The following ZNF69 variants were observed in gnomAD, a reference collection of about 807,000 sequenced individuals.
ZNF69 encodes ZNF3.
Under a neutral mutation model 50.9 loss-of-function variants are expected in ZNF69, and 47 were observed. The observed-to-expected ratio is 0.92, with a 90% CI of 0.73 to 1.18. ZNF69 has a LOEUF of 1.18. ZNF69 is among the 50% of genes most tolerant of loss of function. The probability of loss-of-function intolerance (pLI) is 0.00; values close to 1 mark genes in which losing one functional copy is unlikely to be tolerated. For missense variants in ZNF69, 717 were observed against 675.1 expected (o/e 1.06, Z -0.69); for synonymous variants, 216 against 223.1 (o/e 0.97, Z 0.29).
downstream of ZNF69, among the ~76,000 whole-genome samples, chr19:11,909,090 TGG>T (rs1172773483): frequency 6.6e-6 from 1 of 152,224 alleles, no homozygotes; most frequent in East Asian, 1.9e-4. Context: ...GATAAATTCC[TGG>T]ACACATACAC....
the ZNF69 span, chr19:11,978,561 A>C: frequency 3.1e-6 from 5 of 1,614,252 alleles, no homozygotes; most frequent in Non-Finnish European, 4.2e-6. Flanking sequence ...CCATTGTCTC[A>C]GATTATATCT....
At chr19:11,917,667 C>CTCACT (rs1429386822), downstream of ZNF69, among the ~76,000 whole-genome samples, 5 of 143,706 alleles carry the variant, frequency 3.5e-5, no homozygotes, top group African/African-American at 1.3e-4. Flanking sequence ...CAGATAGAAT[C>CTCACT]TCACTCTGTG....
intron 4 of ZNF69, among the ~76,000 whole-genome samples, chr19:11,913,176 G>A (rs551232576): frequency 6.6e-5 from 10 of 151,748 alleles, no homozygotes; most frequent in East Asian, 1.9e-4. Context: ...CAGTCTGGGC[G>A]ACAGAGTGAG....
At chr19:11,924,874 C>G in the ZNF69 span, among the ~76,000 whole-genome samples, 1 of 152,230 alleles carries the variant, frequency 6.6e-6, no homozygotes, top group Non-Finnish European at 1.5e-5. Flanking sequence ...GTGTTCTCTT[C>G]TATCAATAGC....
the ZNF69 span, among the ~76,000 whole-genome samples, chr19:11,922,563 T>G: frequency 7.3e-3 from 1,117 of 152,294 alleles, 79 homozygotes; most frequent in East Asian, 0.17. Flanking sequence ...TGCTGAAGGT[T>G]CTGCAGCTTG....
chr19:11,975,588 A>G, the ZNF69 span, among the ~76,000 whole-genome samples: 1 of 151,686 alleles, frequency 6.6e-6, no homozygotes, highest in Non-Finnish European at 1.5e-5. Flanking sequence ...TAGTAGAGAC[A>G]GGGTTTCACT....
At chr19:11,953,574 G>A in the ZNF69 span, among the ~76,000 whole-genome samples, 1 of 152,204 alleles carries the variant, frequency 6.6e-6, no homozygotes, top group African/African-American at 2.4e-5. Context: ...ACACACTCGT[G>A]GTTTATTCTG....
rs1599359504 is a variant in ZNF69 at position 11,905,679 on chromosome 19, T to C, written c.1282T>C (p.Ser428Pro). 1 of 1,610,598 alleles carries C rather than the reference T, an allele frequency of 6.2e-7. No individual in the cohort carries two copies. The highest frequency in any genetic ancestry group is 8.5e-7 in the Non-Finnish European group (1 of 1,178,884). ...GCAATGTGGGAAGGCCTTCAGATCTTCCTCACACCTTCAATTGCATGGTAG... is the reference window on the plus strand; with the variant it reads ...GCAATGTGGGAAGGCCTTCAGATCTCCCTCACACCTTCAATTGCATGGTAG... ...CKQCGKAFRS[S>P]SHLQLHGRTH... Residue 428 changes from serine to proline, a missense_variant, in exon 4 of 4, where the codon TCC (serine) becomes CCC (proline). Ser to Pro is a moderately conservative substitution (Grantham distance 74). Coordinates refer to ENST00000429654, the MANE Select transcript of ZNF69 (RefSeq NM_001364730.1).
the ZNF69 span, chr19:11,948,580 A>G: frequency 6.2e-7 from 1 of 1,606,128 alleles, no homozygotes; most frequent in African/African-American, 1.3e-5. Context: ...AACACAAGAA[A>G]GGGATCACAC....
At chr19:11,917,418 A>G (rs1599269873), downstream of ZNF69, among the ~76,000 whole-genome samples, 1 of 152,198 alleles carries the variant, frequency 6.6e-6, no homozygotes, top group East Asian at 1.9e-4. Context: ...GACTGCTCAC[A>G]TTTCCTTCAC....
chr19:11,930,061 G>A, the ZNF69 span, among the ~76,000 whole-genome samples: 1 of 148,090 alleles, frequency 6.8e-6, no homozygotes, highest in East Asian at 1.9e-4. Flanking sequence ...GGTCTAGTGG[G>A]TATCTGTGCC....
chr19:11,975,571 G>T, the ZNF69 span, among the ~76,000 whole-genome samples: 1 of 151,694 alleles, frequency 6.6e-6, no homozygotes. Flanking sequence ...CCAATTTTTC[G>T]TATTTTTAGT....
chr19:11,966,097 A>G, the ZNF69 span, among the ~76,000 whole-genome samples: 23 of 152,276 alleles, frequency 1.5e-4, no homozygotes, highest in East Asian at 4.2e-3. Context: ...GATTTTATGA[A>G]TTCCAAGGCA....
intron 1 of ZNF69, among the ~76,000 whole-genome samples, chr19:11,897,796 C>T (rs1972158079): frequency 6.8e-6 from 1 of 146,762 alleles, no homozygotes; most frequent in East Asian, 2.0e-4. Flanking sequence ...GGCATGAACC[C>T]GGGAGGCGGA....
the ZNF69 span, chr19:11,925,328 C>G: frequency 1.3e-6 from 2 of 1,599,300 alleles, no homozygotes; most frequent in Non-Finnish European, 1.7e-6. Context: ...CTGGAACAGG[C>G]GGGAACCGGC....
chr19:11,914,784 C>T (rs1448106713), downstream of ZNF69, among the ~76,000 whole-genome samples: 1 of 152,230 alleles, frequency 6.6e-6, no homozygotes, highest in East Asian at 1.9e-4. Flanking sequence ...CAGCATCAGC[C>T]ACTGACCAAA....
chr19:11,974,147 TTTCTTTCTTTCCTTCCTTCC>T, the ZNF69 span, among the ~76,000 whole-genome samples: 2 of 122,818 alleles, frequency 1.6e-5, no homozygotes, highest in Non-Finnish European at 3.2e-5. Context: ...TCTTTCTTTC[TTTCTTTCTTTCCTTCCTTCC>T]TTCCTTCCTT....
chr19:11,930,791 A>G, the ZNF69 span, among the ~76,000 whole-genome samples: 29 of 148,162 alleles, frequency 2.0e-4, 1 homozygote, highest in Middle Eastern at 3.4e-3. Context: ...ACCTGAGGTC[A>G]GGAGTTTGAG....
chr19:11,974,125 CTT>C, the ZNF69 span, among the ~76,000 whole-genome samples: 4 of 60,918 alleles, frequency 6.6e-5, no homozygotes, highest in Admixed American at 1.7e-4. Context: ...TTCTTTCTTT[CTT>C]TTCTTTCTTT....
Sources: allele counts gnomAD v4.1 joint callset (sites outside exome capture counted in the v4.1 genomes callset), GRCh38; gene constraint gnomAD v4.1.1; transcripts MANE v1.5; gene names NCBI Gene and HGNC (gene_info 2026-07-23, HGNC 2026-07-21).